CELSR1: variants seen among roughly 807,000 people sequenced by gnomAD.
The protein encoded by CELSR1 is adhesion G protein-coupled receptor C1.
CELSR1 carries 110 observed loss-of-function variants against 249.1 expected under a neutral mutation model. The ratio of observed to expected loss-of-function variants is 0.44; its 90% CI spans 0.38 to 0.52. CELSR1 has a LOEUF of 0.52. CELSR1 is among the 20% of genes least tolerant of loss of function. The pLI is 0.00. For missense variants in CELSR1, 4,109 were observed against 4,296.4 expected (o/e 0.96, Z 1.22); for synonymous variants, 2,113 against 1,900.0 (o/e 1.11, Z -2.92).
At chr22:46,438,261 C>G (rs773107176) in intron 3 of CELSR1, among the ~76,000 whole-genome samples, 2 of 152,088 alleles carry the variant, frequency 1.3e-5, no homozygotes, top group Non-Finnish European at 2.9e-5. Flanking sequence ...GAACGGAGCC[C>G]GGAGCCCACT....
rs375420509 is a variant in CELSR1, at chr22:46,389,497, A to G, written c.6348T>C (p.Asn2116=). The change falls in exon 18 of 35, where the codon AAT becomes AAC. Residue 2116 remains asparagine, a splice_region_variant and synonymous_variant. Transcript: ENST00000674500. The part of the protein sequence containing the change: ...TISFVDLRAM[N]EKLSRNETQV... ...GCGTCTCATTGCGGCTCAGCTTCTCATTCTGGAACAGGGAGGCAGTCGTGA... is the reference window on the plus strand; with the variant it reads ...GCGTCTCATTGCGGCTCAGCTTCTCGTTCTGGAACAGGGAGGCAGTCGTGA... The G allele has an allele frequency of 3.8e-4, 611 of 1,613,182 alleles. 2 individuals are homozygous for G. The Middle Eastern group carries it at 5.4e-3, about 14-fold the overall frequency.
chr22:46,475,089 TA>T (rs1267961894), intron 1 of CELSR1, among the ~76,000 whole-genome samples: 23 of 152,268 alleles, frequency 1.5e-4, no homozygotes, highest in African/African-American at 5.5e-4. Context: ...AAGGCACACT[TA>T]TTCACTTAAC....
rs1168694924 is a variant in CELSR1 at position 46,506,927 on chromosome 22, T to C, written c.3544+26700A>G. The stretch of plus-strand genomic sequence containing the variant: ...AAAACCGATTCCAGGCGGGGCGTGG[T>C]GGCTCACGTTTGTAATCCCAGCACT... On this transcript the variant is annotated intron_variant, in intron 1 of 34. Coordinates refer to ENST00000674500, the MANE Select transcript of CELSR1 (RefSeq NM_001378328.1). This position sits in a 1 kb window ranked among gnomAD's most constrained non-coding sequence, Gnocchi z 4.1. Among the ~76,000 whole-genome samples the C allele has an allele frequency of 6.6e-6, 1 of 152,126 alleles. No individual in the cohort carries two copies. Among genetic ancestry groups the C allele is most frequent in the East Asian group, 1.9e-4 (1 of 5,186 alleles).
At position 46,409,726 on chromosome 22, in the gene CELSR1, CG is replaced by C. The variant is rs748860060; in HGVS notation, c.5059+28del. ...GCAATGCCTCCCAGGCCGCCGTGAC[CG>C]GGGGGATGGACGACGCCGGCCACTC... On this transcript the variant is annotated intron_variant, in intron 8 of 34. Transcript: ENST00000674500. This position sits in a 1 kb window ranked among gnomAD's most constrained non-coding sequence, Gnocchi z 9.8. The C allele has an allele frequency of 2.5e-6, 4 of 1,609,972 alleles. No individual in the cohort carries two copies. Among genetic ancestry groups the C allele is most frequent in the Non-Finnish European group, 8.5e-7 (1 of 1,179,820 alleles).
rs962759065 is a variant in CELSR1 at position 46,413,715 on chromosome 22, G to A, written c.4612-1956C>T. Among the ~76,000 whole-genome samples, 6 of 152,162 alleles carry A rather than the reference G, an allele frequency of 3.9e-5. No individual in the cohort carries two copies. The highest frequency in any genetic ancestry group is 1.2e-4 in the African/African-American group (5 of 41,438). On this transcript the variant is annotated intron_variant, in intron 5 of 34. Coordinates refer to ENST00000674500, the MANE Select transcript of CELSR1 (RefSeq NM_001378328.1). This position sits in a 1 kb window ranked among gnomAD's most constrained non-coding sequence, Gnocchi z 4.7. ...TGTCTCCTTAAAGACTCCACTTTTG[G>A]TTAAGCAACAGGTAGGCGAGTGCAT...
At chr22:46,456,495 TA>T (rs200508363) in intron 2 of CELSR1, among the ~76,000 whole-genome samples, 9 of 149,790 alleles carry the variant, frequency 6.0e-5, no homozygotes, top group Admixed American at 4.0e-4. Context: ...CCGTCTCTAC[TA>T]AAAAAAAATA....
At chr22:46,469,514 TTTGTTTG>T (rs2080131895) in intron 1 of CELSR1, among the ~76,000 whole-genome samples, 1 of 151,964 alleles carries the variant, frequency 6.6e-6, no homozygotes, top group Non-Finnish European at 1.5e-5. Flanking sequence ...TTTGTTGTTG[TTTGTTTG>T]TTTGTTTGTT....
rs955844297 is a variant in CELSR1, at chr22:46,454,438, C to A, written c.4183+9269G>T. On this transcript the variant is annotated intron_variant, in intron 2 of 34. Coordinates refer to ENST00000674500, the MANE Select transcript of CELSR1 (RefSeq NM_001378328.1). This position sits in a 1 kb window ranked among gnomAD's most constrained non-coding sequence, Gnocchi z 5.1. ...AGCATCCCTCCAGTGCACGCACAGA[C>A]GCCCATGACCCGCAGCCAGCCCGGC... Among the ~76,000 whole-genome samples the A allele has an allele frequency of 6.6e-6, 1 of 152,238 alleles. No individual in the cohort carries two copies. The highest frequency in any genetic ancestry group is 1.5e-5 in the Non-Finnish European group (1 of 68,046).
At position 46,373,004 on chromosome 22, in the gene CELSR1, A is replaced by G. The variant is rs144517669; in HGVS notation, c.7638T>C (p.Phe2546=). 6.0e-5 allele frequency: 96 copies of G among 1,612,884 alleles called. No individual in the cohort carries two copies. Among genetic ancestry groups the G allele is most frequent in the Non-Finnish European group, 7.7e-5 (91 of 1,179,800 alleles). Reference sequence around the variant, plus strand: ...GCAGGCTCTCCACGAGGGTCCAGGCAAAGGTGCTCATGTAGATGTAGTGGA... The same window carrying G: ...GCAGGCTCTCCACGAGGGTCCAGGCGAAGGTGCTCATGTAGATGTAGTGGA... ...ILLHYIYMST[F]AWTLVESLHV... is the part of the protein sequence containing the mutation. The change falls in exon 25 of 35, where the codon TTT becomes TTC. Residue 2546 remains phenylalanine, a synonymous_variant. Coordinates refer to ENST00000674500, the MANE Select transcript of CELSR1 (RefSeq NM_001378328.1).
intron 2 of CELSR1, among the ~76,000 whole-genome samples, chr22:46,444,669 C>T (rs956096673): frequency 1.3e-5 from 2 of 152,150 alleles, no homozygotes; most frequent in Admixed American, 6.5e-5. Context: ...CCGTGGCTGC[C>T]GTAACAGATG....
Position 46,533,665 on chromosome 22 carries a change from T to C in CELSR1, c.3506A>G (p.Asn1169Ser). Residue 1169 changes from asparagine to serine, a missense_variant, in exon 1 of 35, where the codon AAC becomes AGC. Asn to Ser is a conservative substitution (Grantham distance 46). Around this residue, in one of 7 missense-constraint regions of CELSR1, gnomAD observed 886 missense variants for 896.5 expected, o/e 0.99. Transcript: ENST00000674500. ...CTCCATGAGCGCCTCCAGCGGCCGG[T>C]TGTTGTCCAGGTCGCGGCTGAGCTG... ...ELQLSRDLDN[N>S]RPLEALMEVS... 3.7e-6 allele frequency: 6 copies of C among 1,602,202 alleles called. No individual in the cohort carries two copies. The South Asian group carries it at 5.5e-5, about 15-fold the overall frequency.
chr22:46,435,676 T>A (rs1490719522), intron 4 of CELSR1, among the ~76,000 whole-genome samples: 1 of 152,182 alleles, frequency 6.6e-6, no homozygotes, highest in Admixed American at 6.5e-5. Context: ...TCCAGCACTA[T>A]AAATAACACT....
At chr22:46,452,194 G>A (rs530238075) in intron 2 of CELSR1, among the ~76,000 whole-genome samples, 17 of 152,258 alleles carry the variant, frequency 1.1e-4, no homozygotes, top group Admixed American at 2.6e-4. Flanking sequence ...GAGGAAACCA[G>A]CCAGTCAGCA....
rs953052134 is a variant in CELSR1, at chr22:46,410,938, C to A, written c.4770-377G>T. Among the ~76,000 whole-genome samples, 3 of 151,972 alleles carry A rather than the reference C, an allele frequency of 2.0e-5. No homozygotes were observed. Among genetic ancestry groups the A allele is most frequent in the Admixed American group, 2.0e-4 (3 of 15,256 alleles). ...GAAAAGGAAGGGCCTTGAAAGGAGG[C>A]CAGAAGAAAATGAGAACCCAGCACT... On this transcript the variant is annotated intron_variant, in intron 6 of 34. Transcript: ENST00000674500. The surrounding 1 kb of genome is among the most constrained non-coding windows in gnomAD (Gnocchi z 6.8).
Position 46,399,659 on chromosome 22 carries a change from T to C in CELSR1, c.5412+58A>G. ...CCTGGCACGTCAAGGGGTCATTCTG[T>C]TTTTCCCTGGGCCGGAGGAAGGGTC... is the stretch of plus-strand genomic sequence containing the variant. On this transcript the variant is annotated intron_variant, in intron 10 of 34. Transcript: ENST00000674500. This position sits in a 1 kb window ranked among gnomAD's most constrained non-coding sequence, Gnocchi z 5.0. The C allele has an allele frequency of 1.3e-6, 2 of 1,569,108 alleles. No homozygotes were observed. Among genetic ancestry groups the C allele is most frequent in the Admixed American group, 1.7e-5 (1 of 59,310 alleles).
rs1168452948 is a variant in CELSR1 at position 46,534,192 on chromosome 22, A to G, written c.2979T>C (p.Asn993=). 1.2e-6 allele frequency: 2 copies of G among 1,613,890 alleles called. No individual in the cohort carries two copies. The change falls in exon 1 of 35, where the codon AAT becomes AAC. Residue 993 remains asparagine, a synonymous_variant. Transcript: ENST00000674500. The surrounding 1 kb of genome is among the most constrained non-coding windows in gnomAD (Gnocchi z 9.7). ...VEIQVTILDI[N]DNAPMFEKDE... is the part of the protein sequence containing the mutation. ...CCTTCTCAAACATGGGGGCATTGTC[A>G]TTAATGTCCAAGATGGTCACCTGGA...
chr22:46,375,432 C>T (rs187135671), intron 24 of CELSR1, among the ~76,000 whole-genome samples: 1 of 152,138 alleles, frequency 6.6e-6, no homozygotes, highest in Non-Finnish European at 1.5e-5. Context: ...CCTTTCTCCC[C>T]GTGCCCAGTG....
Position 46,386,483 on chromosome 22 carries a change from G to T in CELSR1, c.6658C>A (p.Leu2220Ile), listed in dbSNP as rs1302339542. The T allele has an allele frequency of 1.2e-6, 2 of 1,601,270 alleles. No homozygotes were observed. The highest frequency in any genetic ancestry group is 1.7e-6 in the Non-Finnish European group (2 of 1,174,624). The change falls in exon 19 of 35, where the codon CTC (leucine) becomes ATC (isoleucine). Residue 2220 changes from leucine to isoleucine, a missense_variant. This residue lies in a region of CELSR1 where 1,805 missense variants were observed against 1,831.6 expected (regional missense o/e 0.99). Transcript: ENST00000674500. Reference sequence around the variant, plus strand: ...GCCACGTTGCTGAAGTAGCCCTCGAGGCGCCGGAGCAGCTGTGCCGTGCCG... The same window carrying T: ...GCCACGTTGCTGAAGTAGCCCTCGATGCGCCGGAGCAGCTGTGCCGTGCCG... The part of the protein sequence containing the change: ...EGGTAQLLRR[L>I]EGYFSNVARN...
At chr22:46,461,856 C>T (rs944414388) in intron 2 of CELSR1, among the ~76,000 whole-genome samples, 2 of 152,238 alleles carry the variant, frequency 1.3e-5, no homozygotes, top group Non-Finnish European at 2.9e-5. Flanking sequence ...GGCACTGGCT[C>T]GGGGAAGGGG....
Sources: gnomAD v4.1 joint callset for allele counts (sites outside exome capture counted in the v4.1 genomes callset) on GRCh38, gnomAD v4.1.1 for gene constraint, gnomAD v4.1.1 regional missense constraint, Gnocchi (gnomAD v3.1) non-coding constraint, MANE v1.5 for transcripts, NCBI Gene and HGNC (gene_info 2026-07-23, HGNC 2026-07-21) for gene names.